The following SLC38A6 variants were observed in gnomAD, a reference collection of about 807,000 sequenced individuals.
SLC38A6 encodes N system amino acid transporter NAT-1.
Under a neutral mutation model 65.0 loss-of-function variants are expected in SLC38A6, and 73 were observed. That is an observed-to-expected ratio of 1.12 (90% CI 0.93 to 1.37). SLC38A6 has a LOEUF of 1.37. Ranked by LOEUF, SLC38A6 falls within the 40% of genes most tolerant of loss-of-function variation. The pLI, the probability that SLC38A6 is intolerant of heterozygous loss-of-function variation, is 0.00. For missense variants in SLC38A6, 561 were observed against 531.1 expected (o/e 1.06, Z -0.55); for synonymous variants, 183 against 178.8 (o/e 1.02, Z -0.19).
At chr14:61,046,278 C>A in intron 12 of SLC38A6, 111 bp downstream of exon 12, 1 of 662,636 alleles carries the variant, frequency 1.5e-6, no homozygotes, top group Non-Finnish European at 2.6e-6. Context: ...TTGCTCAGAT[C>A]ACCAAATTAC....
Position 61,051,773 on chromosome 14 carries a change from T to G in SLC38A6, c.1051-14T>G. On this transcript the variant is annotated splice_polypyrimidine_tract_variant and intron_variant, in intron 13 of 15. Transcript: ENST00000267488. ...ATTTCCTCTTCGCTATATGTTTATT[T>G]TTCTGTAATACAGGCCAGAAAAGCT... is the stretch of plus-strand genomic sequence containing the variant. 1 of 1,609,546 alleles carries G rather than the reference T, an allele frequency of 6.2e-7. No homozygotes were observed. Among genetic ancestry groups the G allele is most frequent in the Non-Finnish European group, 8.5e-7 (1 of 1,179,054 alleles).
intron 3 of SLC38A6, chr14:61,004,290 G>C (rs370502863): frequency 1.1e-4 from 17 of 152,098 alleles, no homozygotes; most frequent in Middle Eastern, 3.4e-3. Flanking sequence ...GACATACTCC[G>C]GTTAGCCTTT....
rs775197308 is a variant in SLC38A6, at chr14:61,043,532, G to A, written c.744+29G>A. The A allele has an allele frequency of 2.6e-6, 4 of 1,547,120 alleles. No homozygotes were observed. In the South Asian group the frequency reaches 3.5e-5, roughly 14 times the overall value. ...TGTAAGTTATTAACAGATACTTTTA[G>A]TTGATTTTTCACATTTCAAGTTTTA... is the stretch of plus-strand genomic sequence containing the variant. On this transcript the variant is annotated intron_variant, in intron 10 of 15. Transcript: ENST00000267488.
intron 8 of SLC38A6, among the ~76,000 whole-genome samples, chr14:61,041,196 T>TA (rs780342445): frequency 4.6e-5 from 7 of 152,170 alleles, no homozygotes; most frequent in Non-Finnish European, 8.8e-5. Flanking sequence ...CTTACCTTCT[T>TA]ACCAACCTAA....
chr14:60,988,827 A>G (rs905415195), intron 3 of SLC38A6, among the ~76,000 whole-genome samples: 2 of 152,284 alleles, frequency 1.3e-5, no homozygotes, highest in East Asian at 3.9e-4. Flanking sequence ...TAAAATTCCA[A>G]CCATAGTTAA....
intron 3 of SLC38A6, among the ~76,000 whole-genome samples, chr14:61,001,046 A>G (rs1285811537): frequency 1.3e-5 from 2 of 152,194 alleles, no homozygotes; most frequent in African/African-American, 2.4e-5. Context: ...GGGTCTATCT[A>G]AAGTGAATTT....
At chr14:60,994,079 T>G (rs1449234656) in intron 3 of SLC38A6, among the ~76,000 whole-genome samples, 1 of 152,218 alleles carries the variant, frequency 6.6e-6, no homozygotes, top group Non-Finnish European at 1.5e-5. Flanking sequence ...TCAGTAGTGC[T>G]CCTTGGTATT....
intron 4 of SLC38A6, among the ~76,000 whole-genome samples, chr14:61,017,702 G>A (rs1270176141): frequency 1.3e-5 from 2 of 152,102 alleles, no homozygotes; most frequent in African/African-American, 4.8e-5. Flanking sequence ...TAAAGAGTAG[G>A]GACTGCTGAG....
intron 3 of SLC38A6, among the ~76,000 whole-genome samples, chr14:61,005,995 A>G (rs1214835933): frequency 6.6e-6 from 1 of 152,166 alleles, no homozygotes; most frequent in African/African-American, 2.4e-5. Context: ...GATCAATGGA[A>G]CAGAACAGAG....
rs113797544 is a variant in SLC38A6 at position 61,046,104 on chromosome 14, G to T, written c.862G>T (p.Ala288Ser). Reference sequence around the variant, plus strand: ...AAGAATGCAGAATGTTACCAATACAGCAATTGCTTTAAGTTTTCTCATTTA... The same window carrying T: ...AAGAATGCAGAATGTTACCAATACATCAATTGCTTTAAGTTTTCTCATTTA... The part of the protein sequence containing the change: ...KKRMQNVTNT[A>S]IALSFLIYFI... Residue 288 changes from alanine to serine, a missense_variant, in exon 12 of 16, where the codon GCA becomes TCA. By Grantham distance (99) the Ala-to-Ser change is moderately conservative. Coordinates refer to ENST00000267488, the MANE Select transcript of SLC38A6 (RefSeq NM_153811.3). 5.6e-6 allele frequency: 9 copies of T among 1,611,404 alleles called. No homozygotes were observed. In the East Asian group the frequency reaches 1.6e-4, roughly 28 times the overall value.
At chr14:61,019,923 C>G (rs10483728) in intron 5 of SLC38A6, among the ~76,000 whole-genome samples, 35,952 of 151,974 alleles carry the variant, frequency 0.24, 4,655 homozygotes, top group Middle Eastern at 0.3. Flanking sequence ...TTGTTCTAAT[C>G]ACCCTATTGG....
chr14:61,080,654 G>A (rs547759500), intron 16 of SLC38A6, among the ~76,000 whole-genome samples: 2 of 152,188 alleles, frequency 1.3e-5, no homozygotes, highest in African/African-American at 4.8e-5. Flanking sequence ...AATTCCCTAG[G>A]CTCCCCAGCC....
chr14:61,034,782 A>G (rs1457042534), intron 6 of SLC38A6, among the ~76,000 whole-genome samples: 3 of 152,188 alleles, frequency 2.0e-5, no homozygotes, highest in Non-Finnish European at 2.9e-5. Flanking sequence ...GCAAAGCTTC[A>G]GGTCCACTAA....
chr14:61,021,235 ATCTCTT>A (rs1299373981), intron 5 of SLC38A6, among the ~76,000 whole-genome samples: 1 of 152,170 alleles, frequency 6.6e-6, no homozygotes, highest in East Asian at 1.9e-4. Context: ...GATTTGTATA[ATCTCTT>A]TCTAAGTACC....
chr14:61,009,147 A>C (rs1192119120), intron 3 of SLC38A6, among the ~76,000 whole-genome samples: 1 of 152,224 alleles, frequency 6.6e-6, no homozygotes, highest in Non-Finnish European at 1.5e-5. Flanking sequence ...CAGGTGGATT[A>C]AACTGCTAGG....
downstream of SLC38A6, among the ~76,000 whole-genome samples, chr14:61,055,123 T>C (rs2042667401): frequency 7.3e-6 from 1 of 137,194 alleles, no homozygotes; most frequent in South Asian, 2.4e-4. Context: ...TTTTTCTTTT[T>C]TTTTTTATTA....
intron 5 of SLC38A6, among the ~76,000 whole-genome samples, chr14:61,021,413 A>G (rs757668126): frequency 2.6e-5 from 4 of 152,194 alleles, no homozygotes; most frequent in Non-Finnish European, 5.9e-5. Context: ...ATAGAAATCT[A>G]CAGAGAAGCT....
chr14:61,078,235 C>T (rs1013683050), intron 15 of SLC38A6, among the ~76,000 whole-genome samples: 1 of 152,178 alleles, frequency 6.6e-6, no homozygotes, highest in Admixed American at 6.5e-5. Context: ...GTGGGGTTCA[C>T]TGCCTTCTGG....
chr14:61,048,097 T>G (rs146594604), intron 12 of SLC38A6: 1 of 449,440 alleles, frequency 2.2e-6, no homozygotes, highest in East Asian at 7.0e-5. Flanking sequence ...ATTGATTTGC[T>G]CTTGGATTGT....
Sources: allele counts gnomAD v4.1 joint callset (sites outside exome capture counted in the v4.1 genomes callset), GRCh38; gene constraint gnomAD v4.1.1; transcripts MANE v1.5; gene names NCBI Gene and HGNC (gene_info 2026-07-23, HGNC 2026-07-21).